The following PTDSS1 variants were observed in gnomAD, a reference collection of about 807,000 sequenced individuals.
The protein encoded by PTDSS1 is phosphatidylserine synthase 1.
PTDSS1 carries 45 observed loss-of-function variants against 70.5 expected under a neutral mutation model. The ratio of observed to expected loss-of-function variants is 0.64; its 90% CI spans 0.50 to 0.82. PTDSS1 has a LOEUF of 0.82. PTDSS1 is among the 40% of genes least tolerant of loss of function. The pLI, the probability that PTDSS1 is intolerant of heterozygous loss-of-function variation, is 0.00. For synonymous variants in PTDSS1, 188 were observed against 203.8 expected (o/e 0.92, Z 0.66); for missense variants, 417 against 586.1 (o/e 0.71, Z 2.98).
intron 10 of PTDSS1, 30 bp from the exon 11 acceptor site, chr8:96,330,183 T>C: frequency 6.3e-7 from 1 of 1,587,570 alleles, no homozygotes; most frequent in Non-Finnish European, 8.6e-7. Context: ...TGAACTTTTT[T>C]GTGCAGCATC....
intron 3 of PTDSS1, among the ~76,000 whole-genome samples, chr8:96,286,356 T>C (rs911228365): frequency 3.9e-5 from 6 of 152,188 alleles, no homozygotes; most frequent in African/African-American, 1.4e-4. Context: ...TGACACATAG[T>C]GATTATTAGG....
At chr8:96,315,391 C>A (rs1467272979) in intron 9 of PTDSS1, among the ~76,000 whole-genome samples, 1 of 152,198 alleles carries the variant, frequency 6.6e-6, no homozygotes, top group Non-Finnish European at 1.5e-5. Context: ...ATTCCTGTGG[C>A]ATCCTCAGAA....
At chr8:96,287,328 A>T in intron 4 of PTDSS1, 182 bp downstream of exon 4, 1 of 744,130 alleles carries the variant, frequency 1.3e-6, no homozygotes, top group Non-Finnish European at 2.1e-6. Flanking sequence ...GTTCAGGGAA[A>T]GAAAATCCTC....
At chr8:96,315,004 A>G (rs1383972208) in intron 9 of PTDSS1, among the ~76,000 whole-genome samples, 1 of 152,106 alleles carries the variant, frequency 6.6e-6, no homozygotes, top group Non-Finnish European at 1.5e-5. Context: ...TTTGCCATCC[A>G]AGACCCGCTT....
rs1221471676 is a variant in PTDSS1 at position 96,306,572 on chromosome 8, C to T, written c.1007+16C>T. The T allele has an allele frequency of 1.9e-6, 3 of 1,560,878 alleles. No individual in the cohort carries two copies. Among genetic ancestry groups the T allele is most frequent in the African/African-American group, 2.7e-5 (2 of 73,726 alleles). ...CCACAGTGAGGTAATTCTGCACAAG[C>T]CTGACTGTCATATGAGAACATTAAC... On this transcript the variant is annotated intron_variant, in intron 8 of 12. Transcript: ENST00000517309.
chr8:96,333,524 G>T lies in PTDSS1; in HGVS notation c.1380G>T (p.Arg460=). 13 of 1,613,984 alleles carry T rather than the reference G, an allele frequency of 8.1e-6. 1 individual carries two copies. The highest frequency in any genetic ancestry group is 1.0e-5 in the Non-Finnish European group (12 of 1,179,890). The change falls in exon 13 of 13, where the codon CGG becomes CGT. Residue 460 remains arginine (R), a synonymous_variant. Transcript: ENST00000517309. ...GCCATTCTTCCAGGAGAAGGAATCG[G>T]CATTCCAAGTCAAAAGTCACCAATG... The part of the protein sequence containing the change: ...NESHSSRRRN[R]HSKSKVTNGV...
At chr8:96,312,717 G>C (rs1485741672) in intron 9 of PTDSS1, among the ~76,000 whole-genome samples, 4 of 152,094 alleles carry the variant, frequency 2.6e-5, no homozygotes, top group African/African-American at 9.7e-5. Context: ...ATCACACCCA[G>C]TGGATCCTCC....
At chr8:96,264,490 C>T (rs1810459278) in intron 1 of PTDSS1, among the ~76,000 whole-genome samples, 1 of 152,136 alleles carries the variant, frequency 6.6e-6, no homozygotes, top group Admixed American at 6.5e-5. Context: ...AGATAACATA[C>T]ATACCTGTTT....
Position 96,334,988 on chromosome 8 carries a change from G to A in PTDSS1, c.*1422G>A, listed in dbSNP as rs978835756. The A allele has an allele frequency of 2.6e-5, 4 of 151,868 alleles. No homozygotes were observed. The highest frequency in any genetic ancestry group is 1.5e-5 in the Non-Finnish European group (1 of 68,002). The allele number at this position is 151,868 out of a possible 1,614,324, so 9.4% of individuals were successfully genotyped here. ...TTTTTTTTCTGCAAAAGAATTCCAA[G>A]ATGAACGGGTTGAATGAATCATGCC... On this transcript the variant is annotated 3_prime_UTR_variant, in exon 13 of 13. Coordinates refer to ENST00000517309, the MANE Select transcript of PTDSS1 (RefSeq NM_014754.3).
At chr8:96,328,933 G>A (rs924299967) in intron 10 of PTDSS1, among the ~76,000 whole-genome samples, 2 of 152,124 alleles carry the variant, frequency 1.3e-5, no homozygotes, top group African/African-American at 2.4e-5. Context: ...GCCAATATTT[G>A]TATCAGTAGC....
chr8:96,317,541 T>G (rs1164832420), intron 9 of PTDSS1, among the ~76,000 whole-genome samples: 3 of 151,576 alleles, frequency 2.0e-5, no homozygotes, highest in Non-Finnish European at 4.4e-5. Flanking sequence ...TCGAGACCAA[T>G]CAGGGTAACA....
In PTDSS1 at chr8:96,299,724, G is replaced by T; in HGVS notation, c.631G>T (p.Ala211Ser). ...LFFMHLLPNF[A>S]ECWWDQVILD... ...CTTCATGCATCTCCTCCCCAATTTTGCCGAGTGCTGGTGGGATCAAGTCAT... is the reference window on the plus strand; with the variant it reads ...CTTCATGCATCTCCTCCCCAATTTTTCCGAGTGCTGGTGGGATCAAGTCAT... Residue 211 changes from alanine to serine, a missense_variant, in exon 6 of 13, where the codon GCC (alanine) becomes TCC (serine). By Grantham distance (99) the Ala-to-Ser change is moderately conservative. Around this residue, in one of 3 missense-constraint regions of PTDSS1, gnomAD observed 272 missense variants for 429.5 expected, o/e 0.63. Transcript: ENST00000517309. 6.2e-7 allele frequency: 1 copy of T among 1,612,006 alleles called. No individual in the cohort carries two copies. The highest frequency in any genetic ancestry group is 8.5e-7 in the Non-Finnish European group (1 of 1,179,396).
intron 10 of PTDSS1, among the ~76,000 whole-genome samples, chr8:96,324,444 CAG>C (rs1025974401): frequency 6.6e-6 from 1 of 152,200 alleles, no homozygotes; most frequent in Non-Finnish European, 1.5e-5. Context: ...GTTGCTATAA[CAG>C]AATACTGCAG....
intron 10 of PTDSS1, among the ~76,000 whole-genome samples, chr8:96,321,786 C>T (rs1226145680): frequency 2.0e-5 from 3 of 152,048 alleles, no homozygotes; most frequent in Admixed American, 2.0e-4. Context: ...CTAACTGTAC[C>T]AAGGCACAGT....
rs1479581642 is a variant in PTDSS1, at chr8:96,336,330, GC to G, written c.*2766del. On this transcript the variant is annotated 3_prime_UTR_variant, in exon 13 of 13. Coordinates refer to ENST00000517309, the MANE Select transcript of PTDSS1 (RefSeq NM_014754.3). ...CCACCGTGTAGCACCCTGGAATGAT[GC>G]CTCTTTATGCCAAGGCCCACCCTTT... 1 of 151,990 alleles carries G rather than the reference GC, an allele frequency of 6.6e-6. No homozygotes were observed. Among genetic ancestry groups the G allele is most frequent in the Non-Finnish European group, 1.5e-5 (1 of 68,050 alleles). The allele number at this position is 151,990 out of a possible 1,614,324, so 9.4% of individuals were successfully genotyped here.
rs115008794 is a variant in PTDSS1, at chr8:96,319,836, G to A, written c.1074-410G>A. ...AGGTATAGGAGGCAGATACCAGCCT[G>A]TGACAAGGAAAAACTTCCTAACTGC... On this transcript the variant is annotated intron_variant, in intron 9 of 12. Coordinates refer to ENST00000517309, the MANE Select transcript of PTDSS1 (RefSeq NM_014754.3). Among the ~76,000 whole-genome samples, 138 of 152,276 alleles carry A rather than the reference G, an allele frequency of 9.1e-4. 2 individuals carry two copies. The highest frequency in any genetic ancestry group is 3.2e-3 in the African/African-American group (131 of 41,570).
chr8:96,286,772 A>G (rs1810828431), intron 3 of PTDSS1, among the ~76,000 whole-genome samples: 1 of 152,084 alleles, frequency 6.6e-6, no homozygotes, highest in African/African-American at 2.4e-5. Flanking sequence ...TTGCCTCATG[A>G]TCCTTCAAGT....
chr8:96,266,802 G>T (rs1227565874), intron 1 of PTDSS1, among the ~76,000 whole-genome samples: 1 of 152,100 alleles, frequency 6.6e-6, no homozygotes, highest in Admixed American at 6.5e-5. Context: ...GTTACCATTT[G>T]AATCAAATTT....
intron 4 of PTDSS1, among the ~76,000 whole-genome samples, chr8:96,290,645 T>G (rs1369666062): frequency 6.6e-6 from 1 of 152,052 alleles, no homozygotes; most frequent in African/African-American, 2.4e-5. Context: ...TTAAATTGTC[T>G]TTTGCAATTC....
Sources: allele counts gnomAD v4.1 joint callset (sites outside exome capture counted in the v4.1 genomes callset), GRCh38; gene constraint gnomAD v4.1.1; regional missense constraint gnomAD v4.1.1; transcripts MANE v1.5; gene names NCBI Gene and HGNC (gene_info 2026-07-23, HGNC 2026-07-21).